ARHGAP24: variants seen among roughly 807,000 people sequenced by gnomAD.
The protein encoded by ARHGAP24 is Rho GTPase activating protein 24.
In ARHGAP24, 50 loss-of-function variants were observed where a neutral mutation model predicts 76.4. The observed-to-expected ratio is 0.65, with a 90% confidence interval of 0.52 to 0.83. The LOEUF (loss-of-function observed/expected upper bound fraction) is 0.83. ARHGAP24 is among the 40% of genes least tolerant of loss of function. The pLI is 0.00. For missense variants in ARHGAP24, 930 were observed against 914.2 expected, an observed-to-expected ratio of 1.02 and a Z score of -0.22; for synonymous variants, 345 against 323.3, an observed-to-expected ratio of 1.07 and a Z score of -0.72.
intron 3 of ARHGAP24, among the ~76,000 whole-genome samples, chr4:85,805,699 A>G (rs749564629): frequency 2.0e-5 from 3 of 152,112 alleles, no homozygotes; most frequent in Non-Finnish European, 4.4e-5. Flanking sequence ...AATTTTCTGA[A>G]CTTCGGATTT....
intron 2 of ARHGAP24, among the ~76,000 whole-genome samples, chr4:85,713,971 A>G (rs899496757): frequency 3.3e-5 from 5 of 152,182 alleles, no homozygotes; most frequent in Admixed American, 2.6e-4. Flanking sequence ...TAGGTCTCTT[A>G]CAATTTTGAG....
chr4:85,664,516 G>C (rs1358594734), intron 2 of ARHGAP24, among the ~76,000 whole-genome samples: 2 of 150,452 alleles, frequency 1.3e-5, no homozygotes, highest in Admixed American at 6.6e-5. Context: ...ATTTCCTTCA[G>C]TTCTGCTCTG....
chr4:85,935,905 A>T (rs1736606386), intron 4 of ARHGAP24, among the ~76,000 whole-genome samples: 1 of 152,134 alleles, frequency 6.6e-6, no homozygotes, highest in Non-Finnish European at 1.5e-5. Flanking sequence ...TTCTATCAAC[A>T]TTCACTGGTT....
chr4:85,760,642 A>G (rs897534148), intron 3 of ARHGAP24, among the ~76,000 whole-genome samples: 1 of 152,216 alleles, frequency 6.6e-6, no homozygotes, highest in African/African-American at 2.4e-5. Context: ...CAATTAAATC[A>G]TTGCCATATG....
At chr4:85,556,891 C>T (rs1013644596) in intron 1 of ARHGAP24, among the ~76,000 whole-genome samples, 1 of 151,750 alleles carries the variant, frequency 6.6e-6, no homozygotes, top group Non-Finnish European at 1.5e-5. Flanking sequence ...TTCTGAGAGC[C>T]CAGGAGGGGG....
intron 3 of ARHGAP24, among the ~76,000 whole-genome samples, chr4:85,735,457 TGA>T (rs1342024832): frequency 6.6e-6 from 1 of 152,222 alleles, no homozygotes; most frequent in Non-Finnish European, 1.5e-5. Context: ...CTTTATCCAT[TGA>T]TTACATTTTA....
At position 85,868,220 on chromosome 4, in the gene ARHGAP24, T is replaced by C. The variant is rs555897460; in HGVS notation, c.269-55428T>C. 2.5e-3 allele frequency among the ~76,000 whole-genome samples: 387 copies of C among 152,254 alleles called. 1 individual carries two copies. Among genetic ancestry groups the C allele is most frequent in the African/African-American group, 8.9e-3 (368 of 41,564 alleles). ...CAGTCAGTTAAAAGAGTTAAGTTAT[T>C]GTCTAAAGACCTGAAATCAATAGAA... On this transcript the variant is annotated intron_variant, in intron 3 of 9. Coordinates refer to ENST00000395184, the MANE Select transcript of ARHGAP24 (RefSeq NM_001025616.3).
At chr4:85,576,982 T>C (rs2109968411) in intron 2 of ARHGAP24, among the ~76,000 whole-genome samples, 1 of 152,028 alleles carries the variant, frequency 6.6e-6, no homozygotes, top group South Asian at 2.1e-4. Context: ...TAACATTATT[T>C]TGGGTATTAA....
chr4:85,762,857 G>A (rs983994484), intron 3 of ARHGAP24, among the ~76,000 whole-genome samples: 1 of 152,122 alleles, frequency 6.6e-6, no homozygotes, highest in African/African-American at 2.4e-5. Context: ...AGATCAACAA[G>A]CTTAGAAATG....
intron 2 of ARHGAP24, among the ~76,000 whole-genome samples, chr4:85,624,054 T>A (rs1284466206): frequency 2.0e-5 from 3 of 152,106 alleles, no homozygotes; most frequent in Admixed American, 6.6e-5. Flanking sequence ...TTGACTTCCT[T>A]TTTCCTAATT....
At chr4:85,537,716 A>G (rs535178665) in intron 1 of ARHGAP24, among the ~76,000 whole-genome samples, 3 of 152,304 alleles carry the variant, frequency 2.0e-5, no homozygotes, top group Non-Finnish European at 4.4e-5. Context: ...CTATCTGGCC[A>G]TTAGTGGCCA....
intron 2 of ARHGAP24, among the ~76,000 whole-genome samples, chr4:85,633,980 C>G (rs1721237796): frequency 6.6e-6 from 1 of 151,826 alleles, no homozygotes; most frequent in African/African-American, 2.4e-5. Context: ...AACACTCCCC[C>G]TTCAGAAGAT....
intron 1 of ARHGAP24, among the ~76,000 whole-genome samples, chr4:85,557,083 A>G (rs1194610638): frequency 6.6e-6 from 1 of 152,160 alleles, no homozygotes. Context: ...CAGAGAAACA[A>G]AAATGGCAGG....
At chr4:85,477,190 G>A (rs753057147) in intron 1 of ARHGAP24, among the ~76,000 whole-genome samples, 1 of 152,132 alleles carries the variant, frequency 6.6e-6, no homozygotes, top group Non-Finnish European at 1.5e-5. Flanking sequence ...ATGGTACTAG[G>A]AAAAATAATC....
At chr4:85,707,911 G>T (rs1190783287) in intron 2 of ARHGAP24, among the ~76,000 whole-genome samples, 1 of 152,068 alleles carries the variant, frequency 6.6e-6, no homozygotes, top group East Asian at 1.9e-4. Flanking sequence ...TTTTTTAGAA[G>T]AAAAAGGAAA....
At chr4:85,929,997 G>T (rs1736233893) in intron 4 of ARHGAP24, among the ~76,000 whole-genome samples, 1 of 152,210 alleles carries the variant, frequency 6.6e-6, no homozygotes, top group African/African-American at 2.4e-5. Context: ...GAAAAAGAAA[G>T]GAGTTTGTAC....
chr4:85,708,951 A>G (rs967538451), intron 2 of ARHGAP24, among the ~76,000 whole-genome samples: 9 of 152,162 alleles, frequency 5.9e-5, no homozygotes, highest in African/African-American at 2.2e-4. Context: ...TTAAGTATGC[A>G]TTGTTAAAAT....
intron 3 of ARHGAP24, among the ~76,000 whole-genome samples, chr4:85,768,549 C>T (rs574092331): frequency 5.9e-4 from 90 of 152,114 alleles, no homozygotes; most frequent in Non-Finnish European, 1.2e-3. Flanking sequence ...CCAGCCTGAC[C>T]AACATGGTGA....
At chr4:85,994,439 G>A (rs1740519954) in intron 8 of ARHGAP24, 144 bp from the exon 9 acceptor site, 2 of 840,154 alleles carry the variant, frequency 2.4e-6, no homozygotes, top group Non-Finnish European at 4.0e-6. Context: ...AGCTTCTATT[G>A]CTATTATCAT....
Sources: gnomAD v4.1 joint callset for allele counts (sites outside exome capture counted in the v4.1 genomes callset) on GRCh38, gnomAD v4.1.1 for gene constraint, MANE v1.5 for transcripts, NCBI Gene and HGNC (gene_info 2026-07-23, HGNC 2026-07-21) for gene names.